The following RNPC3 variants were observed in gnomAD, a reference collection of about 807,000 sequenced individuals.
RNPC3 encodes the protein RNA binding region (RNP1, RRM) containing 3, also known as RNA-binding region-containing protein 3.
Under a neutral mutation model 67.5 loss-of-function variants are expected in RNPC3, and 48 were observed. The observed-to-expected ratio is 0.71, with a 90% confidence interval of 0.56 to 0.90. RNPC3 has a LOEUF of 0.90. Ranked by LOEUF, RNPC3 falls within the 40% of genes least tolerant of loss-of-function variation. The pLI is 0.00. For synonymous variants in RNPC3, 239 were observed against 210.3 expected (o/e 1.14, Z -1.18); for missense variants, 637 against 626.1 (o/e 1.02, Z -0.19).
At chr1:103,534,962 T>C in intron 4 of RNPC3, 105 bp downstream of exon 4, 2 of 610,732 alleles carry the variant, frequency 3.3e-6, no homozygotes, top group Non-Finnish European at 5.5e-6. Flanking sequence ...TATACAGATA[T>C]CTTATTGCTT....
At chr1:103,543,102 T>C (rs1278099074) in intron 8 of RNPC3, among the ~76,000 whole-genome samples, 194 bp from the exon 9 acceptor site, 3 of 151,832 alleles carry the variant, frequency 2.0e-5, no homozygotes, top group Non-Finnish European at 4.4e-5. Context: ...AAACTAATAA[T>C]TTAGTAGTAC....
intron 12 of RNPC3, among the ~76,000 whole-genome samples, chr1:103,548,510 T>C (rs1003528878): frequency 6.6e-6 from 1 of 152,186 alleles, no homozygotes; most frequent in African/African-American, 2.4e-5. Flanking sequence ...AAGAGTCGCC[T>C]TTGCTCCAGT....
At chr1:103,544,582 A>C (rs1258993894) in intron 9 of RNPC3, among the ~76,000 whole-genome samples, 1 of 151,894 alleles carries the variant, frequency 6.6e-6, no homozygotes, top group African/African-American at 2.4e-5. Flanking sequence ...ATAGAATTCT[A>C]GTAAGTATTG....
At chr1:103,551,121 A>C (rs1351334660) in intron 13 of RNPC3, 48 bp downstream of exon 13, 2 of 1,439,470 alleles carry the variant, frequency 1.4e-6, no homozygotes, top group African/African-American at 1.5e-5. Flanking sequence ...TTTTAGAAGG[A>C]TATAACTGAA....
At chr1:103,528,502 G>A (rs1650768778) in intron 2 of RNPC3, among the ~76,000 whole-genome samples, 1 of 152,104 alleles carries the variant, frequency 6.6e-6, no homozygotes, top group East Asian at 1.9e-4. Flanking sequence ...TGAGTTTGTA[G>A]GTTTTATAAT....
intron 2 of RNPC3, among the ~76,000 whole-genome samples, chr1:103,529,687 A>G (rs1650798175): frequency 6.6e-6 from 1 of 152,194 alleles, no homozygotes; most frequent in Non-Finnish European, 1.5e-5. Context: ...GATAATAAAG[A>G]GGTCTAAAGT....
chr1:103,543,268 A>G lies in RNPC3; in HGVS notation c.894-28A>G, dbSNP rs1248488145. 2.2e-6 allele frequency: 3 copies of G among 1,358,490 alleles called. No homozygotes were observed. In the African/African-American group the frequency reaches 4.6e-5, roughly 21 times the overall value. The allele number at this position is 1,358,490 out of a possible 1,614,324, so 84.2% of individuals were successfully genotyped here. Reference sequence around the variant, plus strand: ...ACTCAGGATTTTATTTGCAATTACAAACTAATGCTATGATTGTTTTTAAAT... The same window carrying G: ...ACTCAGGATTTTATTTGCAATTACAGACTAATGCTATGATTGTTTTTAAAT... On this transcript the variant is annotated intron_variant, in intron 8 of 14. Transcript: ENST00000423855.
chr1:103,534,786 T>C lies in RNPC3; in HGVS notation c.372T>C (p.Pro124=). ...CTGTATGTCCCAGGTCTGATGACCC[T>C]GTCGAAGATGATAAAGAAAAAAAAG... ...GSEKKKRSDD[P]VEDDKEKKEL... The change falls in exon 4 of 15, where the codon CCT becomes CCC. Residue 124 remains proline, a synonymous_variant. Transcript: ENST00000423855. 1 of 1,529,074 alleles carries C rather than the reference T, an allele frequency of 6.5e-7. No individual in the cohort carries two copies. Among genetic ancestry groups the C allele is most frequent in the Non-Finnish European group, 8.8e-7 (1 of 1,141,616 alleles). 94.7% of individuals were successfully genotyped at this position (1,529,074 alleles called of 1,614,324 possible).
At chr1:103,550,306 G>A (rs1161137000) in intron 12 of RNPC3, among the ~76,000 whole-genome samples, 2 of 151,814 alleles carry the variant, frequency 1.3e-5, no homozygotes, top group African/African-American at 4.8e-5. Context: ...GTGCCAGATT[G>A]TAAGGAACTT....
At chr1:103,536,090 T>A (rs1650979495) in intron 5 of RNPC3, 36 bp from the exon 6 acceptor site, 4 of 1,431,104 alleles carry the variant, frequency 2.8e-6, no homozygotes, top group Non-Finnish European at 2.9e-6. Flanking sequence ...AGTTGAATCA[T>A]TTTATATGTG....
At chr1:103,532,727 G>C (rs1021010177) in intron 2 of RNPC3, among the ~76,000 whole-genome samples, 2 of 152,050 alleles carry the variant, frequency 1.3e-5, no homozygotes, top group African/African-American at 4.8e-5. Context: ...CCAAGTGAAT[G>C]ACATGTATCC....
chr1:103,549,151 T>C (rs979817746), intron 12 of RNPC3, among the ~76,000 whole-genome samples: 4 of 152,214 alleles, frequency 2.6e-5, no homozygotes, highest in Non-Finnish European at 5.9e-5. Context: ...TGTTTGGAGT[T>C]AGAATTTCAT....
chr1:103,532,188 G>A (rs556552629), intron 2 of RNPC3, among the ~76,000 whole-genome samples: 49 of 152,258 alleles, frequency 3.2e-4, no homozygotes, highest in African/African-American at 1.2e-3. Context: ...ATTGGTCTAT[G>A]TGCCTATTTT....
At chr1:103,532,324 A>G (rs1311677258) in intron 2 of RNPC3, among the ~76,000 whole-genome samples, 1 of 152,114 alleles carries the variant, frequency 6.6e-6, no homozygotes, top group Non-Finnish European at 1.5e-5. Flanking sequence ...TTTGACCTGA[A>G]TAATTGGAAG....
chr1:103,552,055 A>G (rs1651404322), intron 14 of RNPC3: 2 of 256,056 alleles, frequency 7.8e-6, no homozygotes, highest in Non-Finnish European at 1.5e-5. Flanking sequence ...TGCCTATAGT[A>G]AAGCAATGGT....
At chr1:103,534,712 T>C (rs1333871007) in intron 3 of RNPC3, 62 bp from the exon 4 acceptor site, 28 of 870,974 alleles carry the variant, frequency 3.2e-5, no homozygotes, top group Middle Eastern at 2.6e-4. Flanking sequence ...AATTTATCTT[T>C]TCTGTGTGCA....
intron 6 of RNPC3, among the ~76,000 whole-genome samples, 164 bp from the exon 7 acceptor site, chr1:103,537,178 A>G (rs1247391529): frequency 6.6e-6 from 1 of 152,144 alleles, no homozygotes; most frequent in African/African-American, 2.4e-5. Flanking sequence ...AAATTTTGTC[A>G]TCAGCTAGTG....
At chr1:103,545,217 A>G (rs1651215132) in intron 10 of RNPC3, 115 bp downstream of exon 10, 2 of 755,212 alleles carry the variant, frequency 2.6e-6, no homozygotes, top group Non-Finnish European at 2.0e-6. Flanking sequence ...ACTTTAAAAC[A>G]TCTCTCCAAT....
chr1:103,553,651 A>T (rs1261171658), intron 14 of RNPC3: 1 of 152,240 alleles, frequency 6.6e-6, no homozygotes, highest in Non-Finnish European at 1.5e-5. Context: ...ATTCAATAAC[A>T]TATGCTTTCT....
Sources: gnomAD v4.1 joint callset for allele counts (sites outside exome capture counted in the v4.1 genomes callset) on GRCh38, gnomAD v4.1.1 for gene constraint, MANE v1.5 for transcripts, NCBI Gene and HGNC (gene_info 2026-07-23, HGNC 2026-07-21) for gene names.